PCDHGA1: variants seen among roughly 807,000 people sequenced by gnomAD.
The protein encoded by PCDHGA1 is protocadherin gamma-A1.
A neutral mutation model predicts 58.0 loss-of-function variants in PCDHGA1; 32 were observed. The observed-to-expected ratio is 0.55, with a 90% CI of 0.42 to 0.74. The LOEUF is 0.74. Ranked by LOEUF, PCDHGA1 falls within the 30% of genes least tolerant of loss-of-function variation. The pLI is 0.00. For synonymous variants in PCDHGA1, 498 were observed against 501.1 expected (o/e 0.99, Z 0.08); for missense variants, 1,205 against 1,182.3 (o/e 1.02, Z -0.28).
intron 1 of PCDHGA1, chr5:141,478,585 T>A (rs1474599564): frequency 1.3e-5 from 20 of 1,576,728 alleles, no homozygotes; most frequent in Non-Finnish European, 1.7e-5. Flanking sequence ...TGTTAGTGCT[T>A]TTTTATTCCT....
intron 1 of PCDHGA1, chr5:141,423,616 G>A: frequency 6.2e-7 from 1 of 1,609,594 alleles, no homozygotes; most frequent in Admixed American, 1.7e-5. Context: ...GATAGCTGAA[G>A]ACTCAGCTAT....
At chr5:141,345,310 A>G (rs758599749) in intron 1 of PCDHGA1, 46 of 1,613,986 alleles carry the variant, frequency 2.9e-5, no homozygotes, top group Non-Finnish European at 3.7e-5. Flanking sequence ...AGAGCCTCAG[A>G]TGGGGGAAGC....
At position 141,470,736 on chromosome 5, in the gene PCDHGA1, C is replaced by T. The variant is rs541510544; in HGVS notation, c.2422-24071C>T. ...TTTTTGAGTCAGGGTCTTGCTCTGT[C>T]GCCCTGGCTGGAGTGCAGTGGACTC... On this transcript the variant is annotated intron_variant, in intron 1 of 3. Coordinates refer to ENST00000517417, the MANE Select transcript of PCDHGA1 (RefSeq NM_018912.3). Among the ~76,000 whole-genome samples, 104 of 152,208 alleles carry T rather than the reference C, an allele frequency of 6.8e-4. 2 individuals carry two copies. Among genetic ancestry groups the T allele is most frequent in the African/African-American group, 2.4e-3 (98 of 41,522 alleles).
intron 1 of PCDHGA1, chr5:141,394,908 G>A (rs763489153): frequency 3.1e-6 from 5 of 1,613,652 alleles, no homozygotes; most frequent in East Asian, 2.2e-5. Flanking sequence ...GGCAGTGGCT[G>A]CCATCTCCTG....
intron 1 of PCDHGA1, chr5:141,389,406 G>C (rs1235613335): frequency 2.5e-6 from 4 of 1,613,514 alleles, no homozygotes; most frequent in Non-Finnish European, 3.4e-6. Flanking sequence ...CATAAGCGCG[G>C]AGAGCGGGGT....
chr5:141,435,890 A>G (rs2097784923), intron 1 of PCDHGA1, among the ~76,000 whole-genome samples: 1 of 152,176 alleles, frequency 6.6e-6, no homozygotes, highest in Non-Finnish European at 1.5e-5. Context: ...AACCCCTTAG[A>G]GAATGAAAGA....
At chr5:141,396,974 T>C (rs947865597) in intron 1 of PCDHGA1, among the ~76,000 whole-genome samples, 3 of 152,218 alleles carry the variant, frequency 2.0e-5, no homozygotes, top group Admixed American at 6.5e-5. Flanking sequence ...CCTAAAAATG[T>C]TGGCTAGTTG....
At chr5:141,410,561 G>A (rs201832666) in intron 1 of PCDHGA1, 1 of 1,612,698 alleles carries the variant, frequency 6.2e-7, no homozygotes, top group Non-Finnish European at 8.5e-7. Flanking sequence ...TTCTCCTGGA[G>A]CCTTAATTCC....
In PCDHGA1 at chr5:141,382,895, CG is replaced by C. The variant is rs746416348; in HGVS notation, c.2421+49791del. 5.9e-6 allele frequency: 9 copies of C among 1,536,084 alleles called. No individual in the cohort carries two copies. In the Admixed American group the frequency reaches 1.9e-4, roughly 33 times the overall value. On this transcript the variant is annotated intron_variant, in intron 1 of 3. Transcript: ENST00000517417. ...CGGCGCCTAAGCAAGAGAAGCAGGA[CG>C]ACTATGGCGGCTCAGCCGAGGGGCG...
At position 141,476,639 on chromosome 5, in the gene PCDHGA1, A is replaced by G; in HGVS notation, c.2422-18168A>G. 1.2e-6 allele frequency: 2 copies of G among 1,614,206 alleles called. No individual in the cohort carries two copies. Among genetic ancestry groups the G allele is most frequent in the Non-Finnish European group, 1.7e-6 (2 of 1,180,038 alleles). On this transcript the variant is annotated intron_variant, in intron 1 of 3. Transcript: ENST00000517417. The surrounding 1 kb of genome is among the most constrained non-coding windows in gnomAD (Gnocchi z 7.6). ...CAACTCTTTACAAACCTATGAGCTG[A>G]GCCGAAATGAATACTTTGCGCTTCG...
intron 1 of PCDHGA1, chr5:141,399,398 G>A (rs1374441258): frequency 6.2e-7 from 1 of 1,613,972 alleles, no homozygotes; most frequent in Non-Finnish European, 8.5e-7. Flanking sequence ...ACAGACAGGG[G>A]CAAGCCGCCC....
At chr5:141,438,589 TAC>T (rs72335471) in intron 1 of PCDHGA1, among the ~76,000 whole-genome samples, 19,881 of 66,350 alleles carry the variant, frequency 0.3, 2,903 homozygotes, top group Admixed American at 0.41. Context: ...CATACATACA[TAC>T]ATATATATAT....
In PCDHGA1 at chr5:141,432,068, C is replaced by G. The variant is rs1297096209; in HGVS notation, c.2422-62739C>G. ...AACCCCGCCCCTATCCACGGAAACT[C>G]ATATCTCGCTGAACGTGGCAGACAC... On this transcript the variant is annotated intron_variant, in intron 1 of 3. Transcript: ENST00000517417. The surrounding 1 kb of genome is among the most constrained non-coding windows in gnomAD (Gnocchi z 6.0). 6.2e-7 allele frequency: 1 copy of G among 1,614,210 alleles called. No individual in the cohort carries two copies. The highest frequency in any genetic ancestry group is 1.7e-5 in the Admixed American group (1 of 60,028).
In PCDHGA1 at chr5:141,432,293, G is replaced by A; in HGVS notation, c.2422-62514G>A. On this transcript the variant is annotated intron_variant, in intron 1 of 3. Transcript: ENST00000517417. The surrounding 1 kb of genome is among the most constrained non-coding windows in gnomAD (Gnocchi z 6.0). ...CTACGTGTCCATCAACTCCGACACT[G>A]GGGTACTGTATGCGCTGAGCTCCTT... 1 of 1,614,254 alleles carries A rather than the reference G, an allele frequency of 6.2e-7. No homozygotes were observed. Among genetic ancestry groups the A allele is most frequent in the Non-Finnish European group, 8.5e-7 (1 of 1,180,040 alleles).
At chr5:141,501,540 A>G (rs151047391) in intron 2 of PCDHGA1, among the ~76,000 whole-genome samples, 2 of 152,138 alleles carry the variant, frequency 1.3e-5, no homozygotes, top group East Asian at 3.9e-4. Flanking sequence ...GTTGTTGTGC[A>G]TAAGATCATA....
chr5:141,484,960 C>A, intron 1 of PCDHGA1: 1 of 577,142 alleles, frequency 1.7e-6, no homozygotes, highest in Non-Finnish European at 3.1e-6. Flanking sequence ...TTGGCTGAGC[C>A]CGGGAGCCGC....
At position 141,384,817 on chromosome 5, in the gene PCDHGA1, C is replaced by A. The variant is rs373370095; in HGVS notation, c.2421+51712C>A. 2.5e-6 allele frequency: 4 copies of A among 1,613,416 alleles called. No homozygotes were observed. The South Asian group carries it at 4.4e-5, about 18-fold the overall frequency. On this transcript the variant is annotated intron_variant, in intron 1 of 3. Coordinates refer to ENST00000517417, the MANE Select transcript of PCDHGA1 (RefSeq NM_018912.3). ...CCTGCTGGACAGAGATGCCCTCAAG[C>A]AGAGCCTCGTGGTGGCCGTCCAGGA...
rs118021618 is a variant in PCDHGA1, at chr5:141,382,926, C to T, written c.2421+49821C>T. On this transcript the variant is annotated intron_variant, in intron 1 of 3. Transcript: ENST00000517417. ...TGGCGGCTCAGCCGAGGGGCGGGGA[C>T]TACAGAGGATTCTTCCTGCTCTCCA... 1,227 of 1,577,740 alleles carry T rather than the reference C, an allele frequency of 7.8e-4. 19 individuals carry two copies. The East Asian group carries it at 0.025, about 33-fold the overall frequency.
Position 141,476,294 on chromosome 5 carries a change from A to G in PCDHGA1, c.2422-18513A>G. 6.2e-7 allele frequency: 1 copy of G among 1,613,036 alleles called. No homozygotes were observed. The highest frequency in any genetic ancestry group is 8.5e-7 in the Non-Finnish European group (1 of 1,179,642). On this transcript the variant is annotated intron_variant, in intron 1 of 3. Transcript: ENST00000517417. The surrounding 1 kb of genome is among the most constrained non-coding windows in gnomAD (Gnocchi z 7.6). ...CGCGAACCTTGGTTTGGATCTCGGT[A>G]GCCTCTCAGCCCGCAGGTTCCGGGT...
Sources: gnomAD v4.1 joint callset for allele counts (sites outside exome capture counted in the v4.1 genomes callset) on GRCh38, gnomAD v4.1.1 for gene constraint, Gnocchi (gnomAD v3.1) non-coding constraint, MANE v1.5 for transcripts, NCBI Gene and HGNC (gene_info 2026-07-23, HGNC 2026-07-21) for gene names.